The following PTPRK variants were observed in gnomAD, a reference collection of about 807,000 sequenced individuals.
The protein encoded by PTPRK is protein tyrosine phosphatase receptor type K, also known as receptor-type tyrosine-protein phosphatase kappa.
In PTPRK, 75 loss-of-function variants were observed where a neutral mutation model predicts 178.0. That is an observed-to-expected ratio of 0.42 (90% CI 0.35 to 0.51). The LOEUF is 0.51. PTPRK is among the 20% of genes least tolerant of loss of function. The pLI is 0.02. For missense variants in PTPRK, 1,441 were observed against 1,797.8 expected (o/e 0.80, Z 3.59); for synonymous variants, 637 against 620.6 (o/e 1.03, Z -0.39).
chr6:128,100,071 C>T (rs1157440029), intron 7 of PTPRK, among the ~76,000 whole-genome samples: 1 of 151,922 alleles, frequency 6.6e-6, no homozygotes, highest in African/African-American at 2.4e-5. Context: ...CATGAATCAG[C>T]ATGTCAACAA....
chr6:128,050,218 A>C (rs1778774047), intron 13 of PTPRK, among the ~76,000 whole-genome samples: 1 of 152,200 alleles, frequency 6.6e-6, no homozygotes, highest in Admixed American at 6.5e-5. Context: ...CTGAACCTAA[A>C]GACAGTGAGC....
chr6:128,365,716 G>A (rs1835389714), intron 2 of PTPRK, among the ~76,000 whole-genome samples: 1 of 152,070 alleles, frequency 6.6e-6, no homozygotes, highest in Non-Finnish European at 1.5e-5. Context: ...AGAACACAGA[G>A]AACAGGTACC....
intron 7 of PTPRK, among the ~76,000 whole-genome samples, chr6:128,150,199 G>T (rs995734595): frequency 2.6e-5 from 4 of 152,072 alleles, no homozygotes; most frequent in Admixed American, 2.0e-4. Flanking sequence ...AAGAGTGGGG[G>T]TGGGGTCACA....
At chr6:128,050,510 A>G (rs1437121990) in intron 13 of PTPRK, among the ~76,000 whole-genome samples, 3 of 152,202 alleles carry the variant, frequency 2.0e-5, no homozygotes, top group Non-Finnish European at 4.4e-5. Flanking sequence ...CTCAACTGCA[A>G]TGAACATAAC....
chr6:128,318,728 T>C lies in PTPRK; in HGVS notation c.495+3311A>G, dbSNP rs142819832. On this transcript the variant is annotated intron_variant, in intron 3 of 29. Transcript: ENST00000368226. ...ATGGATTTAATCCCAAAGCAGAACTTAGTTTTATGAATACAAGACAGGTCA... is the reference window on the plus strand; with the variant it reads ...ATGGATTTAATCCCAAAGCAGAACTCAGTTTTATGAATACAAGACAGGTCA... Among the ~76,000 whole-genome samples, 150 of 152,272 alleles carry C rather than the reference T, an allele frequency of 9.9e-4. 1 individual carries two copies. In the East Asian group the frequency reaches 0.024, roughly 25 times the overall value.
intron 13 of PTPRK, among the ~76,000 whole-genome samples, chr6:128,024,414 T>C (rs975729384): frequency 1.3e-5 from 2 of 152,116 alleles, no homozygotes; most frequent in African/African-American, 4.8e-5. Flanking sequence ...TTAAGGAAAA[T>C]AAAAAATTAC....
At chr6:127,995,191 A>G in intron 18 of PTPRK, 1 of 1,469,188 alleles carries the variant, frequency 6.8e-7, no homozygotes. Context: ...TAATAACTGT[A>G]ATTAAGAATG....
At chr6:128,194,276 C>T (rs1467532135) in intron 6 of PTPRK, among the ~76,000 whole-genome samples, 4 of 151,670 alleles carry the variant, frequency 2.6e-5, no homozygotes, top group Admixed American at 6.6e-5. Flanking sequence ...TTCGTACAGA[C>T]GGGGTTTCAC....
At chr6:128,147,163 T>A (rs1382647877) in intron 7 of PTPRK, among the ~76,000 whole-genome samples, 1 of 152,170 alleles carries the variant, frequency 6.6e-6, no homozygotes, top group Non-Finnish European at 1.5e-5. Context: ...GCATGCTGTA[T>A]AGTATGTGAA....
At chr6:128,386,003 G>A (rs1287945613) in intron 2 of PTPRK, among the ~76,000 whole-genome samples, 1 of 152,136 alleles carries the variant, frequency 6.6e-6, no homozygotes. Context: ...GGCATTATTT[G>A]TTTGGGAGAT....
intron 7 of PTPRK, among the ~76,000 whole-genome samples, chr6:128,179,261 C>A (rs539282510): frequency 4.9e-4 from 74 of 151,934 alleles, no homozygotes; most frequent in African/African-American, 1.7e-3. Flanking sequence ...TTAATTAACA[C>A]GGTACTGTTA....
chr6:128,238,867 T>G (rs1034876800), intron 5 of PTPRK, among the ~76,000 whole-genome samples: 1 of 152,182 alleles, frequency 6.6e-6, no homozygotes, highest in Non-Finnish European at 1.5e-5. Context: ...GCTATAAAAG[T>G]AGTAATAATT....
In PTPRK at chr6:128,519,117, A is replaced by G. The variant is rs749205154; in HGVS notation, c.100+1142T>C. ...CATCTGCACCGCGAACCCCAGCAGCAGATGCGCTCGCCAGCCAAGCGAAGC... is the reference window on the plus strand; with the variant it reads ...CATCTGCACCGCGAACCCCAGCAGCGGATGCGCTCGCCAGCCAAGCGAAGC... On this transcript the variant is annotated intron_variant, in intron 1 of 29. Transcript: ENST00000368226. This position sits in a 1 kb window ranked among gnomAD's most constrained non-coding sequence, Gnocchi z 4.3. The G allele has an allele frequency of 1.5e-5, 8 of 528,454 alleles. No homozygotes were observed. The highest frequency in any genetic ancestry group is 3.1e-5 in the Non-Finnish European group (8 of 257,846). The allele number at this position is 528,454 out of a possible 1,614,324, so 32.7% of individuals were successfully genotyped here.
intron 2 of PTPRK, among the ~76,000 whole-genome samples, chr6:128,363,110 C>A (rs1488103632): frequency 1.3e-5 from 2 of 152,158 alleles, no homozygotes; most frequent in Non-Finnish European, 2.9e-5. Flanking sequence ...TCTTCTGCAA[C>A]ATTTATTTTG....
At chr6:128,464,672 T>TAC (rs1205977963) in intron 1 of PTPRK, among the ~76,000 whole-genome samples, 4 of 124,830 alleles carry the variant, frequency 3.2e-5, no homozygotes, top group African/African-American at 6.3e-5. Context: ...TATATATATA[T>TAC]ATACAACAGA....
At chr6:128,000,229 C>A in intron 15 of PTPRK, 1 of 1,134,540 alleles carries the variant, frequency 8.8e-7, no homozygotes, top group Non-Finnish European at 1.1e-6. Flanking sequence ...AACAGATAAA[C>A]ATATTTCAAG....
intron 1 of PTPRK, among the ~76,000 whole-genome samples, chr6:128,510,796 G>A (rs988613025): frequency 6.6e-6 from 1 of 151,584 alleles, no homozygotes; most frequent in Non-Finnish European, 1.5e-5. Flanking sequence ...TCAGAAATTT[G>A]GAATACAAGC....
intron 3 of PTPRK, among the ~76,000 whole-genome samples, chr6:128,250,023 AC>A (rs2128288657): frequency 6.6e-6 from 1 of 152,240 alleles, no homozygotes; most frequent in South Asian, 2.1e-4. Flanking sequence ...AATAAGTCTC[AC>A]GAGATCTGAT....
At chr6:128,363,898 G>A (rs973242193) in intron 2 of PTPRK, among the ~76,000 whole-genome samples, 2 of 152,116 alleles carry the variant, frequency 1.3e-5, no homozygotes, top group Non-Finnish European at 2.9e-5. Context: ...GACAGAAGAC[G>A]CCCTTCCAAA....
Sources: allele counts gnomAD v4.1 joint callset (sites outside exome capture counted in the v4.1 genomes callset), GRCh38; gene constraint gnomAD v4.1.1; non-coding constraint Gnocchi (gnomAD v3.1); transcripts MANE v1.5; gene names NCBI Gene and HGNC (gene_info 2026-07-23, HGNC 2026-07-21).